FOXN3: variants seen among roughly 807,000 people sequenced by gnomAD.
FOXN3 encodes the protein forkhead box N3.
In FOXN3, 7 loss-of-function variants were observed where a neutral mutation model predicts 38.4. The observed-to-expected ratio is 0.18, with a 90% CI of 0.10 to 0.34. FOXN3 has a LOEUF of 0.34. Ranked by LOEUF, FOXN3 falls within the 10% of genes least tolerant of loss-of-function variation. The probability of loss-of-function intolerance (pLI) is 1.00; values close to 1 mark genes in which losing one functional copy is unlikely to be tolerated. For synonymous variants in FOXN3, 230 were observed against 242.2 expected, an observed-to-expected ratio of 0.95 and a Z score of 0.47; for missense variants, 456 against 613.4, an observed-to-expected ratio of 0.74 and a Z score of 2.71.
At chr14:89,403,295 G>T (rs571261338) in intron 2 of FOXN3, among the ~76,000 whole-genome samples, 5 of 152,164 alleles carry the variant, frequency 3.3e-5, no homozygotes, top group East Asian at 3.9e-4. Flanking sequence ...TCCACCTCCC[G>T]GGTTCAAGCG....
Position 89,195,474 on chromosome 14 carries a change from G to A in FOXN3, c.746-14668C>T, listed in dbSNP as rs943894760. Among the ~76,000 whole-genome samples the A allele has an allele frequency of 2.0e-5, 3 of 152,154 alleles. No homozygotes were observed. The South Asian group carries it at 6.2e-4, about 32-fold the overall frequency. On this transcript the variant is annotated intron_variant, in intron 4 of 5. Coordinates refer to ENST00000557258, the MANE Select transcript of FOXN3 (RefSeq NM_005197.4). ...GCACGCTATTGTGGTAGGATGCTTC[G>A]GACCAAAGACATTGGAGATTTGTGG...
At chr14:89,189,303 C>T (rs1887885851) in intron 4 of FOXN3, among the ~76,000 whole-genome samples, 1 of 152,200 alleles carries the variant, frequency 6.6e-6, no homozygotes, top group African/African-American at 2.4e-5. Flanking sequence ...GTAGCATCCA[C>T]TCCAAAGGCA....
intron 1 of FOXN3, among the ~76,000 whole-genome samples, chr14:89,492,418 A>C (rs1471842926): frequency 6.8e-6 from 1 of 146,216 alleles, no homozygotes; most frequent in Non-Finnish European, 1.5e-5. Flanking sequence ...TCGTCCTCTG[A>C]GAATGGAGCT....
chr14:89,500,690 G>A (rs1893778368), intron 1 of FOXN3, among the ~76,000 whole-genome samples: 1 of 152,206 alleles, frequency 6.6e-6, no homozygotes, highest in Non-Finnish European at 1.5e-5. Context: ...TCCGCAGAAA[G>A]CAGGTATTGT....
intron 2 of FOXN3, among the ~76,000 whole-genome samples, chr14:89,358,900 A>G (rs1279680130): frequency 6.6e-6 from 1 of 152,214 alleles, no homozygotes; most frequent in Non-Finnish European, 1.5e-5. Context: ...CTGAGCTTCA[A>G]ATTTTTCATC....
At chr14:89,215,123 T>C (rs1884228810) in intron 4 of FOXN3, among the ~76,000 whole-genome samples, 1 of 152,214 alleles carries the variant, frequency 6.6e-6, no homozygotes, top group African/African-American at 2.4e-5. Context: ...CAGGGTCTTC[T>C]GTCTTTTAAA....
At chr14:89,230,930 G>T (rs1884788089) in intron 4 of FOXN3, 1 of 453,978 alleles carries the variant, frequency 2.2e-6, no homozygotes, top group Non-Finnish European at 4.4e-6. Flanking sequence ...GAGCCTCGCA[G>T]CAACCCTGTG....
At chr14:89,477,202 C>T (rs1893228785) in intron 1 of FOXN3, among the ~76,000 whole-genome samples, 1 of 152,128 alleles carries the variant, frequency 6.6e-6, no homozygotes, top group Admixed American at 6.5e-5. Flanking sequence ...TAAGCCCAAG[C>T]ACGGCACCTC....
intron 1 of FOXN3, among the ~76,000 whole-genome samples, chr14:89,501,643 A>C (rs1596299249): frequency 6.6e-6 from 1 of 152,340 alleles, no homozygotes; most frequent in East Asian, 1.9e-4. Context: ...CACTGGCAGA[A>C]GCTGTCTGCA....
chr14:89,180,014 G>T (rs995685718), intron 5 of FOXN3, among the ~76,000 whole-genome samples: 3 of 152,268 alleles, frequency 2.0e-5, no homozygotes, highest in Non-Finnish European at 2.9e-5. Context: ...AGTGGTGGAT[G>T]GATGGGCAGG....
intron 1 of FOXN3, among the ~76,000 whole-genome samples, chr14:89,566,825 C>T (rs539666280): frequency 6.6e-6 from 1 of 151,598 alleles, no homozygotes; most frequent in African/African-American, 2.4e-5. Flanking sequence ...ATCCCCTACT[C>T]CCTTCCTCCT....
chr14:89,556,598 A>G (rs942761694), intron 1 of FOXN3, among the ~76,000 whole-genome samples: 1 of 152,126 alleles, frequency 6.6e-6, no homozygotes. Context: ...ATGAATAAAT[A>G]AATGAATGCA....
chr14:89,304,357 T>G (rs1887312003), intron 3 of FOXN3, among the ~76,000 whole-genome samples: 1 of 151,950 alleles, frequency 6.6e-6, no homozygotes, highest in Non-Finnish European at 1.5e-5. Flanking sequence ...ATGTCCAGTT[T>G]GAAGGGGAAA....
chr14:89,263,259 G>C (rs1885865191), intron 4 of FOXN3, among the ~76,000 whole-genome samples: 1 of 152,024 alleles, frequency 6.6e-6, no homozygotes, highest in South Asian at 2.1e-4. Context: ...TCAAGTTTTT[G>C]CTGAAGGGTT....
At chr14:89,403,207 T>TTTG (rs939869311) in intron 2 of FOXN3, among the ~76,000 whole-genome samples, 1 of 152,202 alleles carries the variant, frequency 6.6e-6, no homozygotes, top group Non-Finnish European at 1.5e-5. Context: ...TTTTTAATTT[T>TTTG]TTGTTGTTGT....
At chr14:89,187,689 G>C (rs1288104219) in intron 4 of FOXN3, among the ~76,000 whole-genome samples, 2 of 152,180 alleles carry the variant, frequency 1.3e-5, no homozygotes, top group Admixed American at 6.5e-5. Flanking sequence ...CGGGGGTAGG[G>C]GGCACGGAGA....
intron 2 of FOXN3, among the ~76,000 whole-genome samples, chr14:89,408,765 A>C (rs181848595): frequency 7.7e-4 from 117 of 152,006 alleles, no homozygotes; most frequent in Admixed American, 2.9e-3. Flanking sequence ...CACTGCATAC[A>C]ACTTGCAAGG....
intron 2 of FOXN3, among the ~76,000 whole-genome samples, chr14:89,392,918 T>C (rs1447740348): frequency 6.6e-6 from 1 of 151,954 alleles, no homozygotes; most frequent in African/African-American, 2.4e-5. Flanking sequence ...GAGATTCTTC[T>C]GCCTCAGCCT....
At chr14:89,301,158 G>A (rs979319774) in intron 3 of FOXN3, among the ~76,000 whole-genome samples, 4 of 152,028 alleles carry the variant, frequency 2.6e-5, no homozygotes, top group Non-Finnish European at 5.9e-5. Context: ...ATCTATTTAT[G>A]GTTGGCTTCA....
Sources: allele counts gnomAD v4.1 joint callset (sites outside exome capture counted in the v4.1 genomes callset), GRCh38; gene constraint gnomAD v4.1.1; transcripts MANE v1.5; gene names NCBI Gene and HGNC (gene_info 2026-07-23, HGNC 2026-07-21).